The following AXL variants were observed in gnomAD, a reference collection of about 807,000 sequenced individuals.
AXL encodes AXL receptor tyrosine kinase.
AXL carries 52 observed loss-of-function variants against 104.5 expected under a neutral mutation model. The ratio of observed to expected loss-of-function variants is 0.50; its 90% CI spans 0.40 to 0.63. The LOEUF (loss-of-function observed/expected upper bound fraction) is 0.63, where lower values mean the gene tolerates loss of function less well. AXL is among the 20% of genes least tolerant of loss of function. The pLI, the probability that AXL is intolerant of heterozygous loss-of-function variation, is 0.00. For synonymous variants in AXL, 455 were observed against 473.7 expected (o/e 0.96, Z 0.51); for missense variants, 1,024 against 1,188.5 (o/e 0.86, Z 2.04).
At chr19:41,226,311 C>A (rs886586995) in intron 4 of AXL, among the ~76,000 whole-genome samples, 2 of 152,154 alleles carry the variant, frequency 1.3e-5, no homozygotes, top group Non-Finnish European at 2.9e-5. Context: ...CCTGGCGGGG[C>A]CCCACGTGCC....
At chr19:41,225,687 C>T (rs1432784611) in intron 4 of AXL, among the ~76,000 whole-genome samples, 1 of 152,020 alleles carries the variant, frequency 6.6e-6, no homozygotes, top group African/African-American at 2.4e-5. Flanking sequence ...TCAGTGTCAG[C>T]CCGCGTGTAT....
chr19:41,250,995 G>A (rs2034353143), intron 14 of AXL, among the ~76,000 whole-genome samples: 1 of 152,160 alleles, frequency 6.6e-6, no homozygotes, highest in Non-Finnish European at 1.5e-5. Context: ...GGGCAGGTAG[G>A]GAAGTGCTGG....
rs1458918304 is a variant in AXL at position 41,256,363 on chromosome 19, G to A, written c.2037-89G>A. ...ACCCGCAGCCAGGACAGTGAGGGGA[G>A]GAGGTGCAGATGTGTCTGAGAGCCA... On this transcript the variant is annotated intron_variant, in intron 17 of 19. Transcript: ENST00000301178. 4.1e-6 allele frequency: 6 copies of A among 1,467,720 alleles called. No individual in the cohort carries two copies. The East Asian group carries it at 1.4e-4, about 34-fold the overall frequency. 90.9% of individuals were successfully genotyped at this position (1,467,720 alleles called of 1,614,324 possible).
intron 7 of AXL, 50 bp from the exon 8 acceptor site, chr19:41,238,420 G>A (rs777520304): frequency 1.3e-6 from 2 of 1,588,928 alleles, no homozygotes; most frequent in South Asian, 2.2e-5. Context: ...ACAGGGGAGG[G>A]GGTCAGGAAG....
chr19:41,258,174 G>C (rs1243487857), intron 19 of AXL, among the ~76,000 whole-genome samples: 2 of 152,246 alleles, frequency 1.3e-5, no homozygotes, highest in Non-Finnish European at 2.9e-5. Flanking sequence ...TGAGGGTAAA[G>C]AGAGGATGAC....
Position 41,237,936 on chromosome 19 carries a change from C to T in AXL, c.784-8C>T, listed in dbSNP as rs200703161. On this transcript the variant is annotated splice_polypyrimidine_tract_variant and splice_region_variant and intron_variant, in intron 6 of 19. Transcript: ENST00000301178. ...CTGTCCCGTCCTCACACCCTTGCCTCTCCTCAGGCTGTGCTGTCAGACGAT... is the reference window on the plus strand; with the variant it reads ...CTGTCCCGTCCTCACACCCTTGCCTTTCCTCAGGCTGTGCTGTCAGACGAT... 3.1e-6 allele frequency: 5 copies of T among 1,613,108 alleles called. No homozygotes were observed. Among genetic ancestry groups the T allele is most frequent in the East Asian group, 2.2e-5 (1 of 44,856 alleles).
intron 4 of AXL, among the ~76,000 whole-genome samples, chr19:41,230,321 ATGTG>A (rs368082123): frequency 1.5e-5 from 2 of 136,540 alleles, no homozygotes; most frequent in Non-Finnish European, 3.2e-5. Context: ...GGGTGTAAGA[ATGTG>A]TGTGTGTGTG....
chr19:41,243,812 C>G, intron 12 of AXL, 105 bp downstream of exon 12: 2 of 882,876 alleles, frequency 2.3e-6, no homozygotes, highest in Non-Finnish European at 3.8e-6. Flanking sequence ...TTCTAAAGGC[C>G]TTGGGATACT....
intron 4 of AXL, among the ~76,000 whole-genome samples, chr19:41,227,213 T>G (rs1260204662): frequency 6.6e-6 from 1 of 152,126 alleles, no homozygotes; most frequent in East Asian, 1.9e-4. Flanking sequence ...GGGATTCCCC[T>G]TATTCACCAG....
rs536654645 is a variant in AXL, at chr19:41,219,275, G to A, written c.-118G>A. On this transcript the variant is annotated 5_prime_UTR_variant, in exon 1 of 20. Coordinates refer to ENST00000301178, the MANE Select transcript of AXL (RefSeq NM_021913.5). The stretch of plus-strand genomic sequence containing the variant: ...TGGCAAGGGCCTCCCCTGCCGCTGT[G>A]CCAGGCAGGCAGTGCCAAATCCGGG... The A allele has an allele frequency of 4.1e-5, 40 of 983,462 alleles. 1 individual carries two copies. In the Admixed American group the frequency reaches 8.0e-4, roughly 20 times the overall value. The allele number at this position is 983,462 out of a possible 1,614,324, so 60.9% of individuals were successfully genotyped here. A position where few individuals can be genotyped will look rare whatever the true frequency, so the allele number is the denominator to read the frequency against.
Position 41,238,005 on chromosome 19 carries a change from C to A in AXL, c.845C>A (p.Pro282His). 1 of 1,613,894 alleles carries A rather than the reference C, an allele frequency of 6.2e-7. No individual in the cohort carries two copies. Among genetic ancestry groups the A allele is most frequent in the Non-Finnish European group, 8.5e-7 (1 of 1,179,952 alleles). ...QAGEPDPPEE[P>H]LTSQASVPPH... The stretch of plus-strand genomic sequence containing the variant: ...GGAGAACCAGACCCCCCAGAGGAGC[C>A]CCTCACCTCGCAAGCATCCGTGCCC... Residue 282 changes from proline (P) to histidine (H), a missense_variant, in exon 7 of 20, where the codon CCC becomes CAC. This residue lies in a region of AXL where 332 missense variants were observed against 343.9 expected (regional missense o/e 0.97). Transcript: ENST00000301178.
At chr19:41,223,221 G>C (rs1449766576) in intron 4 of AXL, among the ~76,000 whole-genome samples, 1 of 149,194 alleles carries the variant, frequency 6.7e-6, no homozygotes, top group African/African-American at 2.5e-5. Flanking sequence ...CTTGAACCCG[G>C]GAGATGGAGG....
In AXL at chr19:41,247,459, C is replaced by T. The variant is rs745775239; in HGVS notation, c.1538-1055C>T. ...CGGAGGTTGCGGTGAGCCGAGATTG[C>T]GCCATCGCACTCCAGCCTGGGCAAC... is the stretch of plus-strand genomic sequence containing the variant. On this transcript the variant is annotated intron_variant, in intron 12 of 19. Coordinates refer to ENST00000301178, the MANE Select transcript of AXL (RefSeq NM_021913.5). Among the ~76,000 whole-genome samples the T allele has an allele frequency of 7.2e-5, 11 of 151,966 alleles. 1 individual carries two copies. In the South Asian group the frequency reaches 8.3e-4, roughly 11 times the overall value.
At chr19:41,251,792 A>T (rs2034367467) in intron 14 of AXL, among the ~76,000 whole-genome samples, 1 of 152,086 alleles carries the variant, frequency 6.6e-6, no homozygotes, top group Non-Finnish European at 1.5e-5. Flanking sequence ...TGATAATAGT[A>T]GCACCTGAGA....
chr19:41,220,786 C>A lies in AXL; in HGVS notation c.236C>A (p.Ala79Glu), dbSNP rs776776986. Residue 79 changes from alanine to glutamate, a missense_variant, in exon 2 of 20, where the codon GCG becomes GAG. Transcript: ENST00000301178. ...WLRDGQILEL[A>E]DSTQTQVPLG... ...CGGGATGGACAGATCCTGGAGCTCG[C>A]GGACAGCACCCAGACCCAGGTGCCC... is the stretch of plus-strand genomic sequence containing the variant. 1 of 1,614,132 alleles carries A rather than the reference C, an allele frequency of 6.2e-7. No individual in the cohort carries two copies. The highest frequency in any genetic ancestry group is 1.1e-5 in the South Asian group (1 of 91,092).
chr19:41,254,376 C>CAAAAA (rs34633761), intron 17 of AXL, among the ~76,000 whole-genome samples: 2 of 81,152 alleles, frequency 2.5e-5, no homozygotes, highest in Non-Finnish European at 4.8e-5. Context: ...GACTCTGTCT[C>CAAAAA]AAAAAAAAAA....
intron 19 of AXL, 25 bp from the exon 20 acceptor site, chr19:41,259,528 C>A: frequency 1.2e-5 from 18 of 1,563,322 alleles, no homozygotes; most frequent in Non-Finnish European, 1.6e-5. Context: ...TGCTCAATCT[C>A]CCACCCCTCA....
intron 12 of AXL, among the ~76,000 whole-genome samples, chr19:41,247,084 A>G (rs1276395733): frequency 2.0e-5 from 3 of 152,226 alleles, no homozygotes; most frequent in African/African-American, 7.2e-5. Context: ...AGAATATACT[A>G]TGTGATTCCA....
At chr19:41,221,719 G>A (rs188173543) in intron 3 of AXL, 161 bp from the exon 4 acceptor site, 2 of 679,616 alleles carry the variant, frequency 2.9e-6, no homozygotes, top group East Asian at 2.8e-5. Flanking sequence ...GGGGTCACGT[G>A]TGTGTTGGGT....
Sources: allele counts gnomAD v4.1 joint callset (sites outside exome capture counted in the v4.1 genomes callset), GRCh38; gene constraint gnomAD v4.1.1; regional missense constraint gnomAD v4.1.1; transcripts MANE v1.5; gene names NCBI Gene and HGNC (gene_info 2026-07-23, HGNC 2026-07-21).